The following NREP variants were observed in gnomAD, a reference collection of about 807,000 sequenced individuals.
The protein encoded by NREP is neuronal regeneration related protein.
Under a neutral mutation model 8.6 loss-of-function variants are expected in NREP, and 5 were observed. The observed-to-expected ratio is 0.58, with a 90% confidence interval of 0.30 to 1.22. The LOEUF (loss-of-function observed/expected upper bound fraction) is 1.22. Ranked by LOEUF, NREP falls within the 50% of genes most tolerant of loss-of-function variation. The pLI is 0.07. For synonymous variants in NREP, 27 were observed against 28.0 expected (o/e 0.96, Z 0.11); for missense variants, 86 against 82.5 (o/e 1.04, Z -0.17).
chr5:111,769,478 C>A (rs554642273), intron 2 of NREP, among the ~76,000 whole-genome samples: 2 of 152,326 alleles, frequency 1.3e-5, no homozygotes, highest in East Asian at 3.9e-4. Flanking sequence ...TTAGGCAAGG[C>A]CTCTTTGAGG....
chr5:111,960,748 T>G (rs1003739739), intron 2 of NREP, among the ~76,000 whole-genome samples: 1 of 152,224 alleles, frequency 6.6e-6, no homozygotes, highest in Non-Finnish European at 1.5e-5. Flanking sequence ...TCTCATTGTA[T>G]CTAAACTTAA....
chr5:111,960,582 C>G (rs1401075781), intron 2 of NREP, among the ~76,000 whole-genome samples: 1 of 152,094 alleles, frequency 6.6e-6, no homozygotes, highest in Non-Finnish European at 1.5e-5. Context: ...TTCATGAGTA[C>G]TGTATTAGGC....
rs76541304 is a variant in NREP at position 111,891,926 on chromosome 5, G to A, written c.135+83348C>T. The stretch of plus-strand genomic sequence containing the variant: ...TACATTTCAGCATGAGATTCTGGTG[G>A]GGACAAATATCCAAACTATATCAGT... On this transcript the variant is annotated intron_variant, in intron 2 of 3. Transcript: ENST00000395634. Among the ~76,000 whole-genome samples the A allele has an allele frequency of 7.8e-3, 1,184 of 152,218 alleles. 11 individuals carry two copies. Among genetic ancestry groups the A allele is most frequent in the South Asian group, 0.026 (127 of 4,820 alleles).
intron 2 of NREP, among the ~76,000 whole-genome samples, chr5:111,934,849 G>A (rs1000904550): frequency 6.6e-6 from 1 of 152,062 alleles, no homozygotes; most frequent in African/African-American, 2.4e-5. Context: ...ACCTCCAGGT[G>A]AGGGAGGCAA....
intron 2 of NREP, among the ~76,000 whole-genome samples, chr5:111,897,067 A>T (rs1171502153): frequency 6.6e-6 from 1 of 152,148 alleles, no homozygotes; most frequent in African/African-American, 2.4e-5. Context: ...GCTTTAACAG[A>T]CACCAGCATA....
intron 2 of NREP, among the ~76,000 whole-genome samples, chr5:111,812,216 G>A (rs1752286195): frequency 1.3e-5 from 2 of 152,158 alleles, no homozygotes; most frequent in South Asian, 2.1e-4. Context: ...GAGCCTGGGA[G>A]GTGGAGGTTG....
intron 2 of NREP, among the ~76,000 whole-genome samples, chr5:111,767,346 C>T (rs1751109520): frequency 6.6e-6 from 1 of 152,086 alleles, no homozygotes; most frequent in Non-Finnish European, 1.5e-5. Flanking sequence ...AGGTATAGTT[C>T]ACTGGCAGCT....
At chr5:111,781,105 C>T (rs144962339) in intron 2 of NREP, among the ~76,000 whole-genome samples, 80 of 152,196 alleles carry the variant, frequency 5.3e-4, no homozygotes, top group African/African-American at 1.9e-3. Flanking sequence ...GGTATTAAGC[C>T]TAGTACTCAT....
chr5:111,806,359 C>T (rs1752140614), intron 2 of NREP, among the ~76,000 whole-genome samples: 1 of 152,102 alleles, frequency 6.6e-6, no homozygotes, highest in Non-Finnish European at 1.5e-5. Context: ...AAGCAGAAAA[C>T]TGGAGATTCA....
Position 111,735,495 on chromosome 5 carries a change from C to G in NREP, c.16G>C (p.Glu6Gln), listed in dbSNP as rs1373628203. 6.2e-7 allele frequency: 1 copy of G among 1,612,188 alleles called. No individual in the cohort carries two copies. Among genetic ancestry groups the G allele is most frequent in the African/African-American group, 1.3e-5 (1 of 74,870 alleles). The part of the protein sequence containing the change: MVYYP[E>Q]LFVWVSQEPF... ...TCTTGACTGACCCAGACAAAGAGTT[C>G]TGGGTAATAAACCTATAGAGACACA... Residue 6 changes from glutamate to glutamine, a missense_variant, in exon 3 of 4, where the codon GAA becomes CAA. Transcript: ENST00000257435.
chr5:111,800,190 A>G (rs1021729073), intron 2 of NREP, among the ~76,000 whole-genome samples: 3 of 152,082 alleles, frequency 2.0e-5, no homozygotes, highest in Admixed American at 2.0e-4. Context: ...GGCCTCCCAA[A>G]GTGTTGGGAT....
intron 2 of NREP, among the ~76,000 whole-genome samples, chr5:111,772,969 C>T (rs138872752): frequency 2.5e-4 from 38 of 152,086 alleles, no homozygotes; most frequent in Non-Finnish European, 4.0e-4. Context: ...TTTTAGGTTC[C>T]GTGTTTATCT....
At chr5:111,755,383 G>A (rs186379272) in intron 2 of NREP, 52 of 223,576 alleles carry the variant, frequency 2.3e-4, no homozygotes, top group African/African-American at 1.1e-3. Flanking sequence ...AGACTCCTCA[G>A]TTTTGGGTAA....
chr5:111,792,519 A>G (rs1751775189), intron 2 of NREP, among the ~76,000 whole-genome samples: 1 of 152,034 alleles, frequency 6.6e-6, no homozygotes, highest in Non-Finnish European at 1.5e-5. Context: ...ACAAAAGGAC[A>G]TGGTTTTAAC....
rs377340939 is a variant in NREP, at chr5:111,741,746, G to A, written c.4-6239C>T. On this transcript the variant is annotated intron_variant, in intron 2 of 3. Transcript: ENST00000257435. The stretch of plus-strand genomic sequence containing the variant: ...GCACATTCTGGAAAGCAGAATAAAA[G>A]TGCTGGGGCTTAGGTTGGCAAGCAT... 2.1e-3 allele frequency among the ~76,000 whole-genome samples: 319 copies of A among 152,064 alleles called. 9 individuals are homozygous for A. In the South Asian group the frequency reaches 0.047, roughly 23 times the overall value.
At chr5:111,860,394 A>G (rs1263347210) in intron 2 of NREP, among the ~76,000 whole-genome samples, 1 of 152,020 alleles carries the variant, frequency 6.6e-6, no homozygotes, top group Non-Finnish European at 1.5e-5. Context: ...TTGCACTTTA[A>G]TCCTAGATAT....
chr5:111,959,982 C>T (rs1290786940), intron 2 of NREP, among the ~76,000 whole-genome samples: 4 of 151,930 alleles, frequency 2.6e-5, no homozygotes, highest in African/African-American at 9.7e-5. Flanking sequence ...AAATACTGGT[C>T]CATGGACAGC....
intron 2 of NREP, among the ~76,000 whole-genome samples, chr5:111,887,122 C>T (rs560325420): frequency 6.6e-6 from 1 of 152,158 alleles, no homozygotes; most frequent in East Asian, 1.9e-4. Flanking sequence ...TGAGGTTTCA[C>T]TATATTGCCT....
intron 2 of NREP, among the ~76,000 whole-genome samples, chr5:111,752,314 G>C (rs1344104908): frequency 6.6e-6 from 1 of 152,132 alleles, no homozygotes; most frequent in African/African-American, 2.4e-5. Flanking sequence ...AACCCAAATA[G>C]ACTATCCCAA....
Sources: gnomAD v4.1 joint callset for allele counts (sites outside exome capture counted in the v4.1 genomes callset) on GRCh38, gnomAD v4.1.1 for gene constraint, MANE v1.5 for transcripts, NCBI Gene and HGNC (gene_info 2026-07-23, HGNC 2026-07-21) for gene names.